The following KAT6B variants were observed in gnomAD, a reference collection of about 807,000 sequenced individuals.
KAT6B encodes the protein histone acetyltransferase KAT6B.
In KAT6B, 10 loss-of-function variants were observed where a neutral mutation model predicts 187.5. That is an observed-to-expected ratio of 0.05 (90% CI 0.03 to 0.09). KAT6B has a LOEUF of 0.09. Among genes scored for constraint, KAT6B ranks in the 10% least tolerant of loss-of-function variants. The pLI is 1.00. For synonymous variants in KAT6B, 861 were observed against 926.8 expected (o/e 0.93, Z 1.29); for missense variants, 1,952 against 2,558.9 (o/e 0.76, Z 5.12).
At chr10:74,898,272 A>C (rs1366807778) in intron 3 of KAT6B, among the ~76,000 whole-genome samples, 1 of 152,180 alleles carries the variant, frequency 6.6e-6, no homozygotes, top group African/African-American at 2.4e-5. Context: ...CTTTGGACTG[A>C]GCTGCTGCTT....
intron 3 of KAT6B, among the ~76,000 whole-genome samples, chr10:74,926,125 T>TCC (rs1293900348): frequency 2.0e-5 from 3 of 152,200 alleles, no homozygotes; most frequent in Non-Finnish European, 4.4e-5. Context: ...TTTAGACTAG[T>TCC]CAAAAATGGG....
chr10:74,897,454 G>A (rs1022485459), intron 3 of KAT6B, among the ~76,000 whole-genome samples: 1 of 152,184 alleles, frequency 6.6e-6, no homozygotes, highest in Non-Finnish European at 1.5e-5. Context: ...TCTCCACTGT[G>A]GGGGCCACAG....
Position 75,022,147 on chromosome 10 carries a change from GGAAGAA to G in KAT6B, c.3307_3312del (p.Glu1103_Glu1104del), listed in dbSNP as rs71929101. The G allele has an allele frequency of 2.1e-4, 339 of 1,604,896 alleles. No individual in the cohort carries two copies. In the Middle Eastern group the frequency reaches 6.6e-3, roughly 31 times the overall value. ...AAGAGGATGAAGAGGAGGAAGAAGA[GGAAGAA>G]GAAGAAGAAGAAGAAGAAAATATTC... On this transcript the variant is annotated inframe_deletion, in exon 16 of 18. Transcript: ENST00000287239.
At chr10:75,017,192 T>G (rs1845037978) in intron 13 of KAT6B, among the ~76,000 whole-genome samples, 1 of 152,126 alleles carries the variant, frequency 6.6e-6, no homozygotes, top group African/African-American at 2.4e-5. Context: ...TCCCTGCATC[T>G]TAGATCAATT....
intron 3 of KAT6B, among the ~76,000 whole-genome samples, chr10:74,878,726 G>A (rs764693151): frequency 1.3e-4 from 20 of 152,238 alleles, no homozygotes; most frequent in Non-Finnish European, 2.5e-4. Context: ...AGAAAGTAGG[G>A]AAGACATTTT....
At chr10:74,954,799 T>C (rs1221659835) in intron 3 of KAT6B, among the ~76,000 whole-genome samples, 2 of 152,250 alleles carry the variant, frequency 1.3e-5, no homozygotes, top group Non-Finnish European at 2.9e-5. Context: ...TATTTTTTGC[T>C]CGCCTATTCA....
At position 74,842,873 on chromosome 10, in the gene KAT6B, A is replaced by G. The variant is rs1841844259; in HGVS notation, c.16A>G (p.Asn6Asp). The G allele has an allele frequency of 6.2e-7, 1 of 1,614,106 alleles. No homozygotes were observed. Among genetic ancestry groups the G allele is most frequent in the South Asian group, 1.1e-5 (1 of 91,092 alleles). MVKLA[N>D]PLYTEWILEA... ...TTTGTCAACCATGGTAAAACTTGCA[A>G]ACCCACTTTATACAGAGTGGATTCT... Residue 6 changes from asparagine to aspartate, a missense_variant, in exon 3 of 18, where the codon AAC becomes GAC. Around this residue, in one of 9 missense-constraint regions of KAT6B, gnomAD observed 218 missense variants for 282.6 expected, o/e 0.77. Transcript: ENST00000287239.
At chr10:74,974,554 T>C (rs1330426140) in intron 7 of KAT6B, among the ~76,000 whole-genome samples, 1 of 152,214 alleles carries the variant, frequency 6.6e-6, no homozygotes, top group Non-Finnish European at 1.5e-5. Context: ...AGTCGGCCGC[T>C]GTTCATGTAA....
intron 2 of KAT6B, among the ~76,000 whole-genome samples, chr10:74,842,202 T>C (rs996995474): frequency 1.1e-4 from 16 of 152,220 alleles, no homozygotes; most frequent in African/African-American, 3.6e-4. Flanking sequence ...AAGTTTAAGA[T>C]TTTTTGAAAT....
At chr10:74,902,915 A>G (rs999397002) in intron 3 of KAT6B, among the ~76,000 whole-genome samples, 8 of 152,192 alleles carry the variant, frequency 5.3e-5, no homozygotes, top group African/African-American at 1.9e-4. Context: ...TACTTAGTAG[A>G]TGTTCAGTAT....
In KAT6B at chr10:74,970,107, C is replaced by T; in HGVS notation, c.928+6C>T. The T allele has an allele frequency of 6.3e-7, 1 of 1,593,146 alleles. No individual in the cohort carries two copies. On this transcript the variant is annotated splice_donor_region_variant and intron_variant, in intron 6 of 17. Transcript: ENST00000287239. ...ACTTTCCAGAATGCCAAAAGGTGAA[C>T]TTCTAAACTGTACTAAAAATGTATT...
intron 10 of KAT6B, among the ~76,000 whole-genome samples, chr10:74,980,663 T>C (rs1842455044): frequency 6.6e-6 from 1 of 152,220 alleles, no homozygotes; most frequent in South Asian, 2.1e-4. Context: ...AAAACCTTTT[T>C]CCCCATTCTT....
intron 3 of KAT6B, among the ~76,000 whole-genome samples, chr10:74,865,673 G>A (rs1290217856): frequency 1.3e-5 from 2 of 151,904 alleles, no homozygotes; most frequent in Non-Finnish European, 2.9e-5. Context: ...GCACCACCAC[G>A]CCTGGCTAAT....
At chr10:74,950,848 G>A (rs1175105006) in intron 3 of KAT6B, among the ~76,000 whole-genome samples, 2 of 152,036 alleles carry the variant, frequency 1.3e-5, no homozygotes, top group African/African-American at 4.8e-5. Flanking sequence ...GCCAGACATG[G>A]TAGCTCATTC....
At chr10:74,984,725 T>A in intron 11 of KAT6B, 1 of 288,800 alleles carries the variant, frequency 3.5e-6, no homozygotes, top group Non-Finnish European at 6.7e-6. Flanking sequence ...TTATATTTCC[T>A]TAATACAGAT....
intron 13 of KAT6B, among the ~76,000 whole-genome samples, chr10:75,019,179 G>A (rs1025810222): frequency 5.3e-5 from 8 of 152,174 alleles, no homozygotes; most frequent in African/African-American, 1.4e-4. Flanking sequence ...AAAATGTTGC[G>A]GTGCTTGTTT....
At chr10:74,984,919 T>A in intron 11 of KAT6B, 161 bp from the exon 12 acceptor site, 1 of 678,698 alleles carries the variant, frequency 1.5e-6, no homozygotes, top group East Asian at 2.8e-5. Flanking sequence ...GTGACAGCTG[T>A]TTTCTGGTTA....
chr10:74,837,989 C>T (rs1036448648), intron 1 of KAT6B, among the ~76,000 whole-genome samples: 6 of 151,612 alleles, frequency 4.0e-5, no homozygotes, highest in East Asian at 1.9e-4. Context: ...GGGTGTGTGT[C>T]GTGGCTGGGG....
intron 1 of KAT6B, among the ~76,000 whole-genome samples, 188 bp downstream of exon 1, chr10:74,826,973 C>T (rs1412894951): frequency 6.9e-6 from 1 of 145,038 alleles, no homozygotes; most frequent in Non-Finnish European, 1.5e-5. Context: ...GGAGGAGGGA[C>T]AGGCCCCGCC....
Sources: allele counts gnomAD v4.1 joint callset (sites outside exome capture counted in the v4.1 genomes callset), GRCh38; gene constraint gnomAD v4.1.1; regional missense constraint gnomAD v4.1.1; transcripts MANE v1.5; gene names NCBI Gene and HGNC (gene_info 2026-07-23, HGNC 2026-07-21).